The following PTPRO variants were observed in gnomAD, a reference collection of about 807,000 sequenced individuals.
PTPRO encodes the protein receptor-type tyrosine-protein phosphatase O.
A neutral mutation model predicts 145.2 loss-of-function variants in PTPRO; 62 were observed. The ratio of observed to expected loss-of-function variants is 0.43; its 90% confidence interval spans 0.35 to 0.53. The LOEUF (loss-of-function observed/expected upper bound fraction) is 0.53, where lower values mean the gene tolerates loss of function less well. PTPRO is among the 20% of genes least tolerant of loss of function. PTPRO has a pLI of 0.01. For synonymous variants in PTPRO, 565 were observed against 514.7 expected (o/e 1.10, Z -1.32); for missense variants, 1,345 against 1,482.7 (o/e 0.91, Z 1.53).
chr12:15,562,006 T>A (rs1453416892), intron 17 of PTPRO, among the ~76,000 whole-genome samples: 1 of 152,114 alleles, frequency 6.6e-6, no homozygotes, highest in Non-Finnish European at 1.5e-5. Flanking sequence ...GCCCAACTTA[T>A]GGGGAGAAAA....
At chr12:15,470,396 T>C (rs1282823440) in intron 1 of PTPRO, among the ~76,000 whole-genome samples, 1 of 152,200 alleles carries the variant, frequency 6.6e-6, no homozygotes, top group Non-Finnish European at 1.5e-5. Context: ...GTTCTGAGGA[T>C]CAAAGGAGAA....
chr12:15,481,804 A>AT (rs1372294905), intron 1 of PTPRO, among the ~76,000 whole-genome samples: 1 of 152,172 alleles, frequency 6.6e-6, no homozygotes, highest in Non-Finnish European at 1.5e-5. Context: ...AAGTCAGTAC[A>AT]TTTTTCAGTC....
At chr12:15,360,229 A>C (rs763226291) in intron 1 of PTPRO, among the ~76,000 whole-genome samples, 2 of 152,196 alleles carry the variant, frequency 1.3e-5, no homozygotes, top group Non-Finnish European at 2.9e-5. Context: ...AAAGGAGCTT[A>C]TCAGTGTGGC....
chr12:15,483,960 G>C lies in PTPRO; in HGVS notation c.76-14G>C. The stretch of plus-strand genomic sequence containing the variant: ...TATAACCTCCATCTCTTTTTATTCT[G>C]TTTCATTCAACAGAATGCTACAGCT... On this transcript the variant is annotated splice_polypyrimidine_tract_variant and intron_variant, in intron 1 of 26. Coordinates refer to ENST00000281171, the MANE Select transcript of PTPRO (RefSeq NM_030667.3). The C allele has an allele frequency of 6.2e-7, 1 of 1,611,458 alleles. No individual in the cohort carries two copies. The highest frequency in any genetic ancestry group is 8.5e-7 in the Non-Finnish European group (1 of 1,178,082).
intron 24 of PTPRO, among the ~76,000 whole-genome samples, chr12:15,588,279 A>G (rs748467765): frequency 6.6e-6 from 1 of 152,170 alleles, no homozygotes; most frequent in African/African-American, 2.4e-5. Flanking sequence ...AGAAAAAGCA[A>G]CCCTTAAACT....
Position 15,484,106 on chromosome 12 carries a change from G to A in PTPRO, c.208G>A (p.Glu70Lys), listed in dbSNP as rs147697088. ...TGGTGAATCCAAAAATTATTTCTTC[G>A]AATTTGAGGAATTCAACAGCACTTT... ...ITGESKNYFF[E>K]FEEFNSTLPP... Residue 70 changes from glutamate (E) to lysine (K), a missense_variant, in exon 2 of 27, where the codon GAA becomes AAA. Glu to Lys is a moderately conservative substitution (Grantham distance 56, BLOSUM62 1). Around this residue, in one of 3 missense-constraint regions of PTPRO, gnomAD observed 1,130 missense variants for 1,214.7 expected, o/e 0.93. Coordinates refer to ENST00000281171, the MANE Select transcript of PTPRO (RefSeq NM_030667.3). 28 of 1,613,552 alleles carry A rather than the reference G, an allele frequency of 1.7e-5. No individual in the cohort carries two copies. The highest frequency in any genetic ancestry group is 1.6e-4 in the Middle Eastern group (1 of 6,084).
chr12:15,529,205 T>C (rs1049496255), intron 12 of PTPRO, among the ~76,000 whole-genome samples: 7 of 152,126 alleles, frequency 4.6e-5, no homozygotes, highest in African/African-American at 1.7e-4. Context: ...TACAGCAACC[T>C]GTTAAGAGAT....
intron 1 of PTPRO, among the ~76,000 whole-genome samples, chr12:15,483,654 T>G (rs1941826957): frequency 6.6e-6 from 1 of 152,120 alleles, no homozygotes; most frequent in Non-Finnish European, 1.5e-5. Flanking sequence ...AAATGACTCA[T>G]TCATTATTTA....
At chr12:15,530,190 T>C (rs1336243684) in intron 12 of PTPRO, among the ~76,000 whole-genome samples, 1 of 152,158 alleles carries the variant, frequency 6.6e-6, no homozygotes, top group African/African-American at 2.4e-5. Context: ...CAATTATAAA[T>C]ATCTATGCAC....
Position 15,378,667 on chromosome 12 carries a change from A to C in PTPRO, c.75+55866A>C, listed in dbSNP as rs190641752. On this transcript the variant is annotated intron_variant, in intron 1 of 26. Coordinates refer to ENST00000281171, the MANE Select transcript of PTPRO (RefSeq NM_030667.3). ...CACTTTACACACACACTTCTGAAAA[A>C]TAGAAGCTAAGAGAACACTTTCTAA... Among the ~76,000 whole-genome samples, 75 of 152,274 alleles carry C rather than the reference A, an allele frequency of 4.9e-4. No individual in the cohort carries two copies. The East Asian group carries it at 0.01, about 20-fold the overall frequency.
chr12:15,326,875 C>T (rs1482115972), intron 1 of PTPRO, among the ~76,000 whole-genome samples: 1 of 152,170 alleles, frequency 6.6e-6, no homozygotes, highest in Non-Finnish European at 1.5e-5. Flanking sequence ...ATGAGCTTTA[C>T]TGTAAAGCAC....
chr12:15,493,592 G>A (rs1942043139), intron 2 of PTPRO, among the ~76,000 whole-genome samples: 1 of 152,036 alleles, frequency 6.6e-6, no homozygotes. Flanking sequence ...AAAACAAAGA[G>A]ATAACATTTC....
chr12:15,467,409 A>AGT (rs71042254), intron 1 of PTPRO, among the ~76,000 whole-genome samples: 25,676 of 149,988 alleles, frequency 0.17, 2,187 homozygotes, highest in East Asian at 0.21. Flanking sequence ...GGTAGGGGTG[A>AGT]GTGTGTGTGT....
intron 1 of PTPRO, among the ~76,000 whole-genome samples, chr12:15,351,888 C>A (rs557863735): frequency 6.6e-6 from 1 of 152,110 alleles, no homozygotes; most frequent in Non-Finnish European, 1.5e-5. Context: ...TTTGTATATA[C>A]TGAAACTTTC....
chr12:15,477,357 G>T (rs1455965285), intron 1 of PTPRO, among the ~76,000 whole-genome samples: 1 of 120,240 alleles, frequency 8.3e-6, no homozygotes, highest in Admixed American at 8.5e-5. Context: ...GTGGTGGGGA[G>T]GGGGGAGGGG....
chr12:15,587,878 T>A (rs1468425155), intron 24 of PTPRO, among the ~76,000 whole-genome samples: 1 of 152,166 alleles, frequency 6.6e-6, no homozygotes, highest in African/African-American at 2.4e-5. Flanking sequence ...AAATCTACAA[T>A]CCCAGACCTA....
chr12:15,492,266 A>G (rs1158925613), intron 2 of PTPRO, among the ~76,000 whole-genome samples: 3 of 152,228 alleles, frequency 2.0e-5, no homozygotes, highest in Non-Finnish European at 4.4e-5. Flanking sequence ...TGAAGAACTT[A>G]TGCTAAAAAA....
chr12:15,548,289 G>A, intron 13 of PTPRO, among the ~76,000 whole-genome samples: 1 of 152,114 alleles, frequency 6.6e-6, no homozygotes, highest in East Asian at 1.9e-4. Flanking sequence ...TATGGTACTG[G>A]AAAGAATGTA....
At chr12:15,441,498 C>G (rs118178871) in intron 1 of PTPRO, among the ~76,000 whole-genome samples, 1 of 151,934 alleles carries the variant, frequency 6.6e-6, no homozygotes, top group African/African-American at 2.4e-5. Context: ...AAAGAAAGAA[C>G]TAAAATTAGG....
Sources: gnomAD v4.1 joint callset for allele counts (sites outside exome capture counted in the v4.1 genomes callset) on GRCh38, gnomAD v4.1.1 for gene constraint, gnomAD v4.1.1 regional missense constraint, MANE v1.5 for transcripts, NCBI Gene and HGNC (gene_info 2026-07-23, HGNC 2026-07-21) for gene names.